DPYD: variants seen among roughly 807,000 people sequenced by gnomAD.
DPYD encodes the protein dihydropyrimidine dehydrogenase.
In DPYD, 109 loss-of-function variants were observed where a neutral mutation model predicts 116.2. That is an observed-to-expected ratio of 0.94 (90% CI 0.80 to 1.10). The LOEUF (loss-of-function observed/expected upper bound fraction) is 1.10. Among genes scored for constraint, DPYD ranks in the 50% least tolerant of loss-of-function variants. The pLI, the probability that DPYD is intolerant of heterozygous loss-of-function variation, is 0.00. For missense variants in DPYD, 1,302 were observed against 1,254.5 expected (o/e 1.04, Z -0.57); for synonymous variants, 440 against 432.0 (o/e 1.02, Z -0.23).
At chr1:97,420,610 C>T (rs548684709) in intron 14 of DPYD, among the ~76,000 whole-genome samples, 5 of 152,036 alleles carry the variant, frequency 3.3e-5, no homozygotes, top group African/African-American at 9.7e-5. Flanking sequence ...CAAGCATAAA[C>T]GGCCTTTCGT....
chr1:97,133,134 TA>T (rs1653463795), intron 20 of DPYD, among the ~76,000 whole-genome samples: 1 of 152,020 alleles, frequency 6.6e-6, no homozygotes, highest in African/African-American at 2.4e-5. Flanking sequence ...AGATATTTTT[TA>T]AAAAAATTTA....
chr1:97,722,181 T>G (rs1022712616), intron 4 of DPYD, among the ~76,000 whole-genome samples: 2 of 151,536 alleles, frequency 1.3e-5, no homozygotes, highest in East Asian at 1.9e-4. Context: ...AGCTGAATAT[T>G]TGGGAGAATG....
chr1:97,874,832 T>C (rs551481979), intron 2 of DPYD, among the ~76,000 whole-genome samples: 5 of 152,054 alleles, frequency 3.3e-5, no homozygotes, highest in East Asian at 1.9e-4. Context: ...CTTTATTTTA[T>C]AGTGCCAAAG....
chr1:97,630,502 G>C (rs1411469897), intron 8 of DPYD, among the ~76,000 whole-genome samples: 1 of 152,034 alleles, frequency 6.6e-6, no homozygotes, highest in East Asian at 1.9e-4. Flanking sequence ...CTTTCCTGCA[G>C]CTCGAAGCTA....
intron 2 of DPYD, among the ~76,000 whole-genome samples, chr1:97,839,498 T>TTTG (rs1553249589): frequency 2.0e-5 from 3 of 150,034 alleles, no homozygotes; most frequent in Non-Finnish European, 4.5e-5. Context: ...CAGCAATTCT[T>TTTG]TGTGTGTGTG....
intron 2 of DPYD, among the ~76,000 whole-genome samples, chr1:97,871,141 TATAC>T: frequency 6.6e-6 from 1 of 152,064 alleles, no homozygotes; most frequent in African/African-American, 2.4e-5. Context: ...TCTTTTAAAA[TATAC>T]ATATTTTGTT....
intron 2 of DPYD, among the ~76,000 whole-genome samples, chr1:97,841,667 T>C (rs970350575): frequency 3.9e-5 from 6 of 151,940 alleles, no homozygotes; most frequent in East Asian, 1.9e-4. Flanking sequence ...GACAGGATCA[T>C]AGAAACAGTA....
chr1:97,875,382 T>A (rs550064420), intron 2 of DPYD, among the ~76,000 whole-genome samples: 1 of 152,066 alleles, frequency 6.6e-6, no homozygotes, highest in Non-Finnish European at 1.5e-5. Flanking sequence ...AATAAACACA[T>A]AGATGGGCAT....
chr1:97,677,546 G>C (rs1271140066), intron 8 of DPYD, among the ~76,000 whole-genome samples: 1 of 152,080 alleles, frequency 6.6e-6, no homozygotes, highest in Non-Finnish European at 1.5e-5. Context: ...TAAAGCTAAA[G>C]TCAAATATAG....
At chr1:97,466,390 C>G (rs575971747) in intron 13 of DPYD, among the ~76,000 whole-genome samples, 1 of 151,944 alleles carries the variant, frequency 6.6e-6, no homozygotes, top group Non-Finnish European at 1.5e-5. Flanking sequence ...GTTTTCTTTT[C>G]GGCTGTAATC....
At chr1:97,738,754 C>T (rs1571277630) in intron 4 of DPYD, among the ~76,000 whole-genome samples, 1 of 151,234 alleles carries the variant, frequency 6.6e-6, no homozygotes, top group East Asian at 1.9e-4. Flanking sequence ...TCAAATCTCT[C>T]ATATTCATAT....
intron 8 of DPYD, among the ~76,000 whole-genome samples, chr1:97,612,792 T>A (rs113834024): frequency 6.6e-6 from 1 of 151,994 alleles, no homozygotes; most frequent in Non-Finnish European, 1.5e-5. Flanking sequence ...CAATCCCTCA[T>A]CCTCTATGCT....
intron 12 of DPYD, among the ~76,000 whole-genome samples, chr1:97,536,560 A>G (rs1029140276): frequency 6.6e-6 from 1 of 152,244 alleles, no homozygotes; most frequent in African/African-American, 2.4e-5. Context: ...TTAGTATGAC[A>G]TATCGATGAT....
intron 16 of DPYD, among the ~76,000 whole-genome samples, chr1:97,365,280 T>C (rs1203992466): frequency 6.6e-6 from 1 of 152,228 alleles, no homozygotes; most frequent in African/African-American, 2.4e-5. Flanking sequence ...ACCCTCCCTT[T>C]TCCTGCCAAT....
chr1:97,269,369 G>A (rs1664432012), intron 18 of DPYD, among the ~76,000 whole-genome samples: 1 of 152,066 alleles, frequency 6.6e-6, no homozygotes, highest in Non-Finnish European at 1.5e-5. Context: ...CTCTATTCAT[G>A]GAAACCTAGG....
chr1:97,381,134 C>CT (rs1007970623), intron 15 of DPYD, among the ~76,000 whole-genome samples: 10 of 151,762 alleles, frequency 6.6e-5, no homozygotes, highest in African/African-American at 2.4e-4. Flanking sequence ...TCCCTTCTTT[C>CT]TTTTTTTTCT....
At chr1:97,809,054 G>A (rs1291295481) in intron 3 of DPYD, among the ~76,000 whole-genome samples, 5 of 152,092 alleles carry the variant, frequency 3.3e-5, no homozygotes, top group Non-Finnish European at 5.9e-5. Context: ...GGCAGTAGAG[G>A]GGATCAGGAT....
chr1:97,636,142 T>TA (rs1002504957), intron 8 of DPYD, among the ~76,000 whole-genome samples: 28 of 151,488 alleles, frequency 1.8e-4, no homozygotes, highest in East Asian at 3.9e-4. Flanking sequence ...TAATTTCTAT[T>TA]AAAAAAAAAT....
At chr1:97,118,823 C>A (rs1298339822) in intron 20 of DPYD, among the ~76,000 whole-genome samples, 1 of 139,440 alleles carries the variant, frequency 7.2e-6, no homozygotes, top group Non-Finnish European at 1.6e-5. Context: ...TCAAAACTTT[C>A]AAAAAACTTG....
Sources: allele counts gnomAD v4.1 joint callset (sites outside exome capture counted in the v4.1 genomes callset), GRCh38; gene constraint gnomAD v4.1.1; transcripts MANE v1.5; gene names NCBI Gene and HGNC (gene_info 2026-07-23, HGNC 2026-07-21).